The following ADCY3 variants were observed in gnomAD, a reference collection of about 807,000 sequenced individuals.
ADCY3 encodes adenylate cyclase 3, also known as adenylate cyclase type 3.
A neutral mutation model predicts 119.4 loss-of-function variants in ADCY3; 70 were observed. That is an observed-to-expected ratio of 0.59 (90% CI 0.48 to 0.72). ADCY3 has a LOEUF of 0.72. Ranked by LOEUF, ADCY3 falls within the 30% of genes least tolerant of loss-of-function variation. ADCY3 has a pLI of 0.00. For synonymous variants in ADCY3, 672 were observed against 621.4 expected (o/e 1.08, Z -1.21); for missense variants, 1,238 against 1,541.6 (o/e 0.80, Z 3.30).
chr2:24,897,872 GTTCTCACA>G (rs1678466809), intron 2 of ADCY3, among the ~76,000 whole-genome samples: 3 of 152,114 alleles, frequency 2.0e-5, no homozygotes, highest in Admixed American at 2.0e-4. Context: ...GTTCAGGCAG[GTTCTCACA>G]TACTCTGCTG....
At position 24,827,647 on chromosome 2, in the gene ADCY3, G is replaced by A. The variant is rs751923237; in HGVS notation, c.2433-39C>T. On this transcript the variant is annotated intron_variant, in intron 14 of 21. Transcript: ENST00000679454. ...AACAGCACAGTCAGGCCCCATCTGG[G>A]AACAAGAGCCTGATGCCCAGCCAGG... 5 of 1,561,728 alleles carry A rather than the reference G, an allele frequency of 3.2e-6. No homozygotes were observed. In the South Asian group the frequency reaches 5.8e-5, roughly 18 times the overall value.
At position 24,834,840 on chromosome 2, in the gene ADCY3, T is replaced by C. The variant is rs1211772426; in HGVS notation, c.1759A>G (p.Asn587Asp). 6.2e-7 allele frequency: 1 copy of C among 1,613,956 alleles called. No individual in the cohort carries two copies. Among genetic ancestry groups the C allele is most frequent in the Non-Finnish European group, 8.5e-7 (1 of 1,179,994 alleles). The change falls in exon 10 of 22, where the codon AAC becomes GAC. Residue 587 changes from asparagine to aspartate, a missense_variant. Physicochemically the swap from Asn to Asp is conservative, Grantham distance 23. Around this residue, in one of 7 missense-constraint regions of ADCY3, gnomAD observed 499 missense variants for 571.0 expected, o/e 0.87. Coordinates refer to ENST00000679454, the MANE Select transcript of ADCY3 (RefSeq NM_004036.5). The surrounding 1 kb of genome is among the most constrained non-coding windows in gnomAD (Gnocchi z 4.2). Reference protein sequence around the residue: ...VDASEDEHELNQLLNEALLER... With the variant: ...VDASEDEHELDQLLNEALLER... ...AGCAGGGCCTCGTTGAGCAGCTGGT[T>C]GAGCTCGTGCTCATCTTCAGAGGCA...
chr2:24,889,549 T>C (rs1427228347), intron 2 of ADCY3, among the ~76,000 whole-genome samples: 1 of 152,232 alleles, frequency 6.6e-6, no homozygotes, highest in African/African-American at 2.4e-5. Context: ...AATAAAACTG[T>C]TGGCTGGGCA....
intron 2 of ADCY3, among the ~76,000 whole-genome samples, chr2:24,891,098 G>A (rs1265806457): frequency 6.6e-6 from 1 of 152,032 alleles, no homozygotes; most frequent in Admixed American, 6.6e-5. Flanking sequence ...TCGAACTCCT[G>A]ACCTCAAGGA....
chr2:24,841,816 C>T lies in ADCY3; in HGVS notation c.957-149G>A. On this transcript the variant is annotated intron_variant, in intron 4 of 21. Coordinates refer to ENST00000679454, the MANE Select transcript of ADCY3 (RefSeq NM_004036.5). The surrounding 1 kb of genome is among the most constrained non-coding windows in gnomAD (Gnocchi z 5.8). ...GACCCCCAGACAGTGAGACCCTGACCCTTCCAGGTAAAGTCAGGGCTCTGA... is the reference window on the plus strand; with the variant it reads ...GACCCCCAGACAGTGAGACCCTGACTCTTCCAGGTAAAGTCAGGGCTCTGA... The T allele has an allele frequency of 1.6e-6, 1 of 644,076 alleles. No homozygotes were observed. The highest frequency in any genetic ancestry group is 2.8e-6 in the Non-Finnish European group (1 of 359,566). 39.9% of individuals were successfully genotyped at this position (644,076 alleles called of 1,614,324 possible). A position where few individuals can be genotyped will look rare whatever the true frequency, so the allele number is the denominator to read the frequency against.
intron 2 of ADCY3, among the ~76,000 whole-genome samples, chr2:24,892,942 G>A (rs541255210): frequency 6.6e-6 from 1 of 152,096 alleles, no homozygotes; most frequent in East Asian, 1.9e-4. Context: ...GGGATCACAA[G>A]TGTGAGCCAC....
At chr2:24,877,826 C>G (rs997716964) in intron 2 of ADCY3, 9 of 465,140 alleles carry the variant, frequency 1.9e-5, no homozygotes, top group African/African-American at 1.6e-4. Context: ...TGGGGCGAGA[C>G]AGCTGGCGCT....
intron 2 of ADCY3, among the ~76,000 whole-genome samples, chr2:24,909,276 C>T (rs1663290227): frequency 6.6e-6 from 1 of 152,172 alleles, no homozygotes; most frequent in South Asian, 2.1e-4. Context: ...AGATGATCCC[C>T]CTAAATGCAA....
chr2:24,859,456 C>T (rs1008215442), intron 3 of ADCY3, among the ~76,000 whole-genome samples: 6 of 152,340 alleles, frequency 3.9e-5, no homozygotes, highest in Middle Eastern at 3.4e-3. Context: ...CAACTGGCCT[C>T]TGGCTCTGAC....
At chr2:24,825,949 T>C in intron 16 of ADCY3, 96 bp downstream of exon 16, 1 of 1,211,178 alleles carries the variant, frequency 8.3e-7, no homozygotes, top group South Asian at 1.3e-5. Flanking sequence ...GGAAGCCCCA[T>C]TCCTTAGGAG....
intron 14 of ADCY3, 80 bp downstream of exon 14, chr2:24,827,822 C>T (rs542868330): frequency 6.0e-5 from 96 of 1,587,620 alleles, no homozygotes; most frequent in Non-Finnish European, 7.6e-5. Flanking sequence ...CACCTCAGCA[C>T]AGGCCCATGA....
intron 3 of ADCY3, among the ~76,000 whole-genome samples, chr2:24,853,451 T>C (rs186780385): frequency 6.6e-6 from 1 of 151,400 alleles, no homozygotes; most frequent in East Asian, 1.9e-4. Context: ...GATTTTCAGA[T>C]TGAAACGCGC....
rs570976698 is a variant in ADCY3, at chr2:24,906,135, C to T, written c.675+12178G>A. Among the ~76,000 whole-genome samples the T allele has an allele frequency of 7.2e-5, 11 of 152,080 alleles. No homozygotes were observed. The East Asian group carries it at 2.1e-3, about 29-fold the overall frequency. On this transcript the variant is annotated intron_variant, in intron 2 of 21. Coordinates refer to ENST00000679454, the MANE Select transcript of ADCY3 (RefSeq NM_004036.5). ...CAGCCTGGCCAACATGGTGAAACCC[C>T]GTCTCTACTAAAACTACAAAAACTA...
At chr2:24,823,472 A>G in intron 17 of ADCY3, 117 bp from the exon 18 acceptor site, 1 of 1,107,146 alleles carries the variant, frequency 9.0e-7, no homozygotes, top group South Asian at 1.7e-5. Flanking sequence ...GGACTCACAC[A>G]TCAGTCAGAT....
intron 3 of ADCY3, among the ~76,000 whole-genome samples, chr2:24,866,645 AT>A (rs1171467076): frequency 6.6e-6 from 1 of 151,502 alleles, no homozygotes; most frequent in Admixed American, 6.6e-5. Context: ...ACCCATTGGT[AT>A]TATTATGGTT....
rs1180123362 is a variant in ADCY3 at position 24,841,564 on chromosome 2, G to A, written c.1060C>T (p.Leu354=). 2 of 1,612,804 alleles carry A rather than the reference G, an allele frequency of 1.2e-6. No homozygotes were observed. The highest frequency in any genetic ancestry group is 4.5e-5 in the East Asian group (2 of 44,864). ...LNELFARFDK[L]AAKYHQLRIK... is the part of the protein sequence containing the mutation. ...CGGGGCCAGGGACTTACAGCTGCCA[G>A]CTTGTCAAAGCGGGCAAAGAGCTCG... The change falls in exon 5 of 22, where the codon CTG becomes TTG. Residue 354 remains leucine, a synonymous_variant. Transcript: ENST00000679454. The surrounding 1 kb of genome is among the most constrained non-coding windows in gnomAD (Gnocchi z 5.8).
At chr2:24,858,261 A>AT (rs1673244392) in intron 3 of ADCY3, among the ~76,000 whole-genome samples, 2 of 152,112 alleles carry the variant, frequency 1.3e-5, no homozygotes, top group Non-Finnish European at 2.9e-5. Context: ...TAGAATGTGA[A>AT]TGCAAGTCTT....
intron 3 of ADCY3, among the ~76,000 whole-genome samples, chr2:24,843,120 A>C (rs1357834207): frequency 2.0e-5 from 3 of 152,232 alleles, no homozygotes; most frequent in Non-Finnish European, 4.4e-5. Flanking sequence ...CGCAAAGCGC[A>C]CCAGGGTCCT....
intron 2 of ADCY3, among the ~76,000 whole-genome samples, chr2:24,912,785 A>G (rs1251825055): frequency 6.6e-6 from 1 of 152,216 alleles, no homozygotes; most frequent in East Asian, 1.9e-4. Context: ...AATAATGTGG[A>G]TGAAAGGTGG....
Sources: allele counts gnomAD v4.1 joint callset (sites outside exome capture counted in the v4.1 genomes callset), GRCh38; gene constraint gnomAD v4.1.1; regional missense constraint gnomAD v4.1.1; non-coding constraint Gnocchi (gnomAD v3.1); transcripts MANE v1.5; gene names NCBI Gene and HGNC (gene_info 2026-07-23, HGNC 2026-07-21).